The following RANBP2 variants were observed in gnomAD, a reference collection of about 807,000 sequenced individuals.
RANBP2 encodes the protein E3 SUMO-protein ligase RanBP2.
Under a neutral mutation model 303.6 loss-of-function variants are expected in RANBP2, and 57 were observed. The observed-to-expected ratio is 0.19, with a 90% CI of 0.15 to 0.23. RANBP2 has a LOEUF of 0.23. RANBP2 is among the 10% of genes least tolerant of loss of function. The pLI, the probability that RANBP2 is intolerant of heterozygous loss-of-function variation, is 1.00. For missense variants in RANBP2, 3,138 were observed against 3,780.8 expected (o/e 0.83, Z 4.46); for synonymous variants, 1,167 against 1,301.5 (o/e 0.90, Z 2.23).
chr2:109,381,293 C>T, the RANBP2 span, among the ~76,000 whole-genome samples: 1 of 152,242 alleles, frequency 6.6e-6, no homozygotes, highest in Non-Finnish European at 1.5e-5. Flanking sequence ...CAGACTGCTT[C>T]TCCCCTAGGC....
chr2:109,084,332 A>G, the RANBP2 span, among the ~76,000 whole-genome samples: 2 of 152,220 alleles, frequency 1.3e-5, no homozygotes, highest in African/African-American at 4.8e-5. Flanking sequence ...AGGGCGTTGG[A>G]TATTTGGAGA....
the RANBP2 span, among the ~76,000 whole-genome samples, chr2:108,941,560 C>T: frequency 6.6e-6 from 1 of 152,194 alleles, no homozygotes; most frequent in African/African-American, 2.4e-5. Context: ...CTCTGAGGGT[C>T]CTCTGCACCA....
chr2:108,988,219 C>G, the RANBP2 span, among the ~76,000 whole-genome samples: 1 of 152,224 alleles, frequency 6.6e-6, no homozygotes, highest in East Asian at 1.9e-4. Flanking sequence ...GTGGGAACCT[C>G]GCCTGCTGAC....
the RANBP2 span, among the ~76,000 whole-genome samples, chr2:109,630,646 A>T: frequency 1.3e-5 from 2 of 152,172 alleles, no homozygotes; most frequent in Non-Finnish European, 2.9e-5. Context: ...TGCTCTCCCC[A>T]GTCTCTCCTT....
the RANBP2 span, among the ~76,000 whole-genome samples, chr2:109,286,061 G>A: frequency 0.029 from 4,439 of 152,302 alleles, 220 homozygotes; most frequent in African/African-American, 0.1. Context: ...TTTCTGACAT[G>A]GAGAGGTGGA....
the RANBP2 span, chr2:109,667,024 G>A: frequency 6.1e-6 from 3 of 494,050 alleles, no homozygotes; most frequent in Non-Finnish European, 1.1e-5. Context: ...TGACTCTAGT[G>A]TTACTGATCT....
At chr2:109,678,243 A>G in the RANBP2 span, among the ~76,000 whole-genome samples, 1 of 152,254 alleles carries the variant, frequency 6.6e-6, no homozygotes, top group Non-Finnish European at 1.5e-5. Context: ...GGATCACAAG[A>G]GCAAAAAATA....
At chr2:109,496,972 A>G in the RANBP2 span, among the ~76,000 whole-genome samples, 1 of 152,220 alleles carries the variant, frequency 6.6e-6, no homozygotes, top group Non-Finnish European at 1.5e-5. Flanking sequence ...AGAAGCCTCC[A>G]GAGAAGGGAT....
At chr2:109,134,674 G>GT in the RANBP2 span, among the ~76,000 whole-genome samples, 1 of 152,102 alleles carries the variant, frequency 6.6e-6, no homozygotes. Flanking sequence ...TAATGAGGGT[G>GT]TTTTTTGGAA....
At chr2:109,260,825 ACTT>A in the RANBP2 span, among the ~76,000 whole-genome samples, 1 of 152,102 alleles carries the variant, frequency 6.6e-6, no homozygotes, top group African/African-American at 2.4e-5. Flanking sequence ...CAGGGGAGGG[ACTT>A]CTTCCTCCCC....
rs1678543277 is a variant in RANBP2 at position 108,785,300 on chromosome 2, C to T, written c.*1399C>T. The T allele has an allele frequency of 6.6e-6, 1 of 152,180 alleles. No individual in the cohort carries two copies. The allele number at this position is 152,180 out of a possible 1,614,324, so 9.4% of individuals were successfully genotyped here. A position where few individuals can be genotyped will look rare whatever the true frequency, so the allele number is the denominator to read the frequency against. ...CCAGATACTTGAAATAAACCTACTC[C>T]AAATGTATCAGTTCAGTCTTGAACC... is the stretch of plus-strand genomic sequence containing the variant. On this transcript the variant is annotated 3_prime_UTR_variant, in exon 29 of 29. Coordinates refer to ENST00000283195, the MANE Select transcript of RANBP2 (RefSeq NM_006267.5).
chr2:109,486,770 G>A, the RANBP2 span, among the ~76,000 whole-genome samples: 1 of 152,142 alleles, frequency 6.6e-6, no homozygotes, highest in Non-Finnish European at 1.5e-5. Context: ...ACTGGGTGGT[G>A]GGGAGGGCCT....
At chr2:108,897,913 G>C in the RANBP2 span, among the ~76,000 whole-genome samples, 3 of 152,100 alleles carry the variant, frequency 2.0e-5, no homozygotes, top group Non-Finnish European at 2.9e-5. Context: ...GACCAACTAG[G>C]GACCTCGATA....
chr2:109,161,251 T>G, the RANBP2 span, among the ~76,000 whole-genome samples: 1 of 152,154 alleles, frequency 6.6e-6, no homozygotes, highest in Non-Finnish European at 1.5e-5. Context: ...GGCACGAGTA[T>G]GCAGTGATGA....
At chr2:108,928,054 C>T in the RANBP2 span, among the ~76,000 whole-genome samples, 1 of 152,138 alleles carries the variant, frequency 6.6e-6, no homozygotes, top group Non-Finnish European at 1.5e-5. Flanking sequence ...GCGTGTTGAC[C>T]TGCATCAGCT....
the RANBP2 span, among the ~76,000 whole-genome samples, chr2:108,850,834 A>G: frequency 6.6e-6 from 1 of 151,730 alleles, no homozygotes; most frequent in Non-Finnish European, 1.5e-5. Flanking sequence ...GACAATAATC[A>G]TCCACACAGA....
chr2:108,910,383 G>T, the RANBP2 span: 61 of 1,214,698 alleles, frequency 5.0e-5, no homozygotes, highest in Non-Finnish European at 7.2e-6. Context: ...AGTTCACTCG[G>T]CTGCACCCTG....
chr2:109,675,625 T>C, the RANBP2 span, among the ~76,000 whole-genome samples: 3 of 151,932 alleles, frequency 2.0e-5, no homozygotes, highest in African/African-American at 7.3e-5. Flanking sequence ...GAGGTTGCAG[T>C]GAGCTGAGAT....
the RANBP2 span, among the ~76,000 whole-genome samples, chr2:109,337,847 C>CTGGGA: frequency 6.6e-6 from 1 of 152,022 alleles, no homozygotes; most frequent in African/African-American, 2.4e-5. Context: ...CCCACCTCAG[C>CTGGGA]CTCCCGAGTA....
Sources: gnomAD v4.1 joint callset for allele counts (sites outside exome capture counted in the v4.1 genomes callset) on GRCh38, gnomAD v4.1.1 for gene constraint, MANE v1.5 for transcripts, NCBI Gene and HGNC (gene_info 2026-07-23, HGNC 2026-07-21) for gene names.